FYN: variants seen among roughly 807,000 people sequenced by gnomAD.
FYN encodes the protein FYN proto-oncogene, Src family tyrosine kinase.
In FYN, 10 loss-of-function variants were observed where a neutral mutation model predicts 70.2. That is an observed-to-expected ratio of 0.14 (90% CI 0.09 to 0.24). The LOEUF (loss-of-function observed/expected upper bound fraction) is 0.24. FYN is among the 10% of genes least tolerant of loss of function. The pLI is 1.00. For synonymous variants in FYN, 236 were observed against 248.6 expected, an observed-to-expected ratio of 0.95 and a Z score of 0.48; for missense variants, 319 against 673.1, an observed-to-expected ratio of 0.47 and a Z score of 5.82.
chr6:111,750,054 C>T (rs1802414531), intron 3 of FYN, among the ~76,000 whole-genome samples: 1 of 152,208 alleles, frequency 6.6e-6, no homozygotes, highest in Non-Finnish European at 1.5e-5. Context: ...ACAACTGCTA[C>T]TAACATATAT....
At chr6:111,749,131 ACTT>A (rs1802376826) in intron 3 of FYN, among the ~76,000 whole-genome samples, 1 of 152,194 alleles carries the variant, frequency 6.6e-6, no homozygotes, top group Non-Finnish European at 1.5e-5. Flanking sequence ...CATCTCGGAC[ACTT>A]CTTCTAGTGC....
intron 3 of FYN, among the ~76,000 whole-genome samples, chr6:111,769,994 T>C (rs570843793): frequency 2.6e-5 from 4 of 152,078 alleles, no homozygotes; most frequent in African/African-American, 9.6e-5. Flanking sequence ...TATGTGGTTT[T>C]AGATGGGGGG....
At chr6:111,748,533 G>A (rs759959984) in intron 3 of FYN, among the ~76,000 whole-genome samples, 1 of 152,192 alleles carries the variant, frequency 6.6e-6, no homozygotes, top group Non-Finnish European at 1.5e-5. Flanking sequence ...AGTACTCAGA[G>A]ACATTTTTGA....
At chr6:111,773,538 AG>A (rs1803558129) in intron 3 of FYN, among the ~76,000 whole-genome samples, 1 of 42,210 alleles carries the variant, frequency 2.4e-5, no homozygotes, top group Non-Finnish European at 4.4e-5. Context: ...GGGGAGAGGG[AG>A]AGGGAGAGGG....
chr6:111,711,399 A>G (rs1800369664), intron 5 of FYN, among the ~76,000 whole-genome samples: 1 of 152,246 alleles, frequency 6.6e-6, no homozygotes, highest in African/African-American at 2.4e-5. Flanking sequence ...TGTGAAAACA[A>G]GGAATAAAAT....
intron 8 of FYN, among the ~76,000 whole-genome samples, chr6:111,700,725 A>G (rs1046019079): frequency 6.6e-6 from 1 of 152,232 alleles, no homozygotes; most frequent in African/African-American, 2.4e-5. Context: ...AAGAATGTCA[A>G]TATGACTGTT....
intron 3 of FYN, among the ~76,000 whole-genome samples, chr6:111,762,868 C>T (rs541078545): frequency 1.8e-4 from 28 of 152,228 alleles, no homozygotes; most frequent in Non-Finnish European, 3.7e-4. Flanking sequence ...AAAAAGTCCT[C>T]GCATTCAAAT....
intron 3 of FYN, among the ~76,000 whole-genome samples, chr6:111,721,758 G>A (rs1800955434): frequency 6.6e-6 from 1 of 151,942 alleles, no homozygotes; most frequent in Non-Finnish European, 1.5e-5. Flanking sequence ...CTACTGGTAT[G>A]TGTGTGAGAA....
intron 3 of FYN, among the ~76,000 whole-genome samples, chr6:111,743,006 G>C (rs1345098386): frequency 4.9e-5 from 7 of 143,728 alleles, no homozygotes; most frequent in Non-Finnish European, 1.5e-5. Flanking sequence ...TCGTTCTGTT[G>C]CCCAGGCTGG....
At position 111,789,114 on chromosome 6, in the gene FYN, G is replaced by T. The variant is rs9481188; in HGVS notation, c.-81-8479C>A. 5.8e-3 allele frequency among the ~76,000 whole-genome samples: 886 copies of T among 152,346 alleles called. 8 individuals are homozygous for T. The highest frequency in any genetic ancestry group is 0.02 in the African/African-American group (849 of 41,588). Reference sequence around the variant, plus strand: ...TGGAAGGTGCTCAGCCAGCAGAAAGGAATTAATGACCACAGAATGAGGGGG... The same window carrying T: ...TGGAAGGTGCTCAGCCAGCAGAAAGTAATTAATGACCACAGAATGAGGGGG... On this transcript the variant is annotated intron_variant, in intron 2 of 13. Transcript: ENST00000354650.
chr6:111,818,109 T>C (rs933280472), intron 2 of FYN, among the ~76,000 whole-genome samples: 9 of 152,236 alleles, frequency 5.9e-5, no homozygotes, highest in African/African-American at 1.9e-4. Flanking sequence ...AGTTATCTCA[T>C]GCCATGCCAA....
In FYN at chr6:111,698,729, T is replaced by C. The variant is rs546948036; in HGVS notation, c.862+1375A>G. Among the ~76,000 whole-genome samples the C allele has an allele frequency of 2.6e-5, 4 of 152,326 alleles. No homozygotes were observed. In the South Asian group the frequency reaches 8.3e-4, roughly 32 times the overall value. On this transcript the variant is annotated intron_variant, in intron 9 of 13. Transcript: ENST00000354650. ...GAAGTATGTATCTCTACTGAATATC[T>C]ACTATCTGCAAGGGACTTTAAACAT... is the stretch of plus-strand genomic sequence containing the variant.
intron 3 of FYN, among the ~76,000 whole-genome samples, chr6:111,746,825 G>C (rs1360711032): frequency 2.0e-5 from 3 of 151,942 alleles, no homozygotes; most frequent in Non-Finnish European, 4.4e-5. Context: ...GGTAGAGGGA[G>C]GGAGGCAGGG....
At chr6:111,866,955 G>C (rs955099408) in intron 1 of FYN, among the ~76,000 whole-genome samples, 11 of 152,128 alleles carry the variant, frequency 7.2e-5, no homozygotes, top group Non-Finnish European at 1.5e-4. Context: ...GATATCTTCA[G>C]TGCTAAATCC....
In FYN at chr6:111,805,559, T is replaced by C. The variant is rs76916374; in HGVS notation, c.-81-24924A>G. Among the ~76,000 whole-genome samples, 546 of 152,116 alleles carry C rather than the reference T, an allele frequency of 3.6e-3. 4 individuals are homozygous for C. Among genetic ancestry groups the C allele is most frequent in the African/African-American group, 0.013 (533 of 41,474 alleles). Reference sequence around the variant, plus strand: ...AAAACAAGGGTCCATGTGGTTCAGGTTCCTTCTGCCCTCCTACACTGGCCC... The same window carrying C: ...AAAACAAGGGTCCATGTGGTTCAGGCTCCTTCTGCCCTCCTACACTGGCCC... On this transcript the variant is annotated intron_variant, in intron 2 of 13. Coordinates refer to ENST00000354650, the MANE Select transcript of FYN (RefSeq NM_002037.5).
intron 3 of FYN, among the ~76,000 whole-genome samples, chr6:111,739,732 G>C (rs1801871759): frequency 6.6e-6 from 1 of 152,160 alleles, no homozygotes; most frequent in Non-Finnish European, 1.5e-5. Flanking sequence ...TTGAGTAGGT[G>C]GTTAAAAAGA....
chr6:111,834,000 A>G (rs1204003848), intron 2 of FYN, among the ~76,000 whole-genome samples: 1 of 152,232 alleles, frequency 6.6e-6, no homozygotes, highest in African/African-American at 2.4e-5. Flanking sequence ...AATTTGATGC[A>G]TGATGCTTCA....
chr6:111,804,620 CTT>C (rs906598245), intron 2 of FYN, among the ~76,000 whole-genome samples: 50 of 152,172 alleles, frequency 3.3e-4, no homozygotes, highest in African/African-American at 1.2e-3. Flanking sequence ...GGTCCCTAGT[CTT>C]TGTTCACTGG....
intron 2 of FYN, among the ~76,000 whole-genome samples, chr6:111,844,453 C>T (rs947187520): frequency 2.0e-5 from 3 of 152,174 alleles, no homozygotes; most frequent in African/African-American, 7.2e-5. Flanking sequence ...GTTGATAGAT[C>T]CGTGTTCAAC....
Sources: allele counts gnomAD v4.1 joint callset (sites outside exome capture counted in the v4.1 genomes callset), GRCh38; gene constraint gnomAD v4.1.1; transcripts MANE v1.5; gene names NCBI Gene and HGNC (gene_info 2026-07-23, HGNC 2026-07-21).